PIK3R1: variants seen among roughly 807,000 people sequenced by gnomAD.
PIK3R1 encodes the protein phosphoinositide-3-kinase regulatory subunit 1.
A neutral mutation model predicts 98.0 loss-of-function variants in PIK3R1; 29 were observed. The observed-to-expected ratio is 0.30, with a 90% CI of 0.22 to 0.40. The LOEUF is 0.40. Ranked by LOEUF, PIK3R1 falls within the 10% of genes least tolerant of loss-of-function variation. PIK3R1 has a pLI of 1.00. For missense variants in PIK3R1, 596 were observed against 872.7 expected (o/e 0.68, Z 3.99); for synonymous variants, 282 against 311.8 (o/e 0.90, Z 1.01).
intron 1 of PIK3R1, 115 bp from the exon 2 acceptor site, chr5:68,226,175 C>G (rs376996460): frequency 5.7e-6 from 2 of 352,238 alleles, no homozygotes; most frequent in African/African-American, 4.2e-5. Context: ...AGCACACTGG[C>G]CTGTGTCTGT....
chr5:68,267,481 A>T (rs958166044), intron 2 of PIK3R1, among the ~76,000 whole-genome samples: 8 of 152,192 alleles, frequency 5.3e-5, no homozygotes, highest in Middle Eastern at 3.2e-3. Flanking sequence ...ACTAATTAGG[A>T]TATCTGAGGA....
In PIK3R1 at chr5:68,299,003, TCA is replaced by T. The variant is rs1283074609; in HGVS notation, c.*1404_*1405del. On this transcript the variant is annotated 3_prime_UTR_variant, in exon 16 of 16. Coordinates refer to ENST00000521381, the MANE Select transcript of PIK3R1 (RefSeq NM_181523.3). ...TTGCTTCTTCTACTTCAGTCTTCTC[TCA>T]CTTTGATTTGCTAGTTGTTATCAAT... The T allele has an allele frequency of 4.3e-6, 1 of 233,598 alleles. No individual in the cohort carries two copies. The highest frequency in any genetic ancestry group is 6.0e-5 in the East Asian group (1 of 16,568). 14.5% of individuals were successfully genotyped at this position (233,598 alleles called of 1,614,324 possible). A position where few individuals can be genotyped will look rare whatever the true frequency, so the allele number is the denominator to read the frequency against.
rs2112302785 is a variant in PIK3R1, at chr5:68,298,906, G to A, written c.*1305G>A. On this transcript the variant is annotated 3_prime_UTR_variant, in exon 16 of 16. Transcript: ENST00000521381. Reference sequence around the variant, plus strand: ...AGTGAAGGGATGTATCAAGTGGGGTGGTGGGAGGGGGAGGCAAGGTTATAT... The same window carrying A: ...AGTGAAGGGATGTATCAAGTGGGGTAGTGGGAGGGGGAGGCAAGGTTATAT... 4.3e-6 allele frequency: 1 copy of A among 233,362 alleles called. No homozygotes were observed. Among genetic ancestry groups the A allele is most frequent in the East Asian group, 6.1e-5 (1 of 16,526 alleles). 14.5% of individuals were successfully genotyped at this position (233,362 alleles called of 1,614,324 possible).
intron 5 of PIK3R1, chr5:68,280,296 G>A: frequency 1.8e-6 from 1 of 556,684 alleles, no homozygotes; most frequent in South Asian, 2.4e-5. Context: ...TGAACAGCTT[G>A]TGGTTTCTTT....
intron 2 of PIK3R1, among the ~76,000 whole-genome samples, chr5:68,268,239 G>A (rs1481500097): frequency 6.6e-6 from 1 of 152,154 alleles, no homozygotes; most frequent in African/African-American, 2.4e-5. Flanking sequence ...TGGCTTTAAA[G>A]CTCTGCTTCT....
chr5:68,237,419 C>T (rs1362003678), intron 2 of PIK3R1, among the ~76,000 whole-genome samples: 2 of 151,916 alleles, frequency 1.3e-5, no homozygotes, highest in African/African-American at 4.8e-5. Context: ...ACCTGAATTC[C>T]AAGGGCAGAG....
chr5:68,295,516 C>T (rs757424123), intron 14 of PIK3R1, 28 bp downstream of exon 14: 47 of 1,588,776 alleles, frequency 3.0e-5, no homozygotes, highest in Non-Finnish European at 4.0e-5. Context: ...ATGGTGATAG[C>T]AGAAGATTTT....
At chr5:68,271,188 C>T (rs1035805063) in intron 2 of PIK3R1, among the ~76,000 whole-genome samples, 2 of 152,168 alleles carry the variant, frequency 1.3e-5, no homozygotes, top group African/African-American at 2.4e-5. Flanking sequence ...TCTAGCACGT[C>T]CTCCAGGTGG....
intron 2 of PIK3R1, among the ~76,000 whole-genome samples, chr5:68,262,652 T>G (rs201225731): frequency 0.011 from 415 of 37,530 alleles, no homozygotes; most frequent in African/African-American, 0.019. Flanking sequence ...TACACATGTA[T>G]CTGCATGTAT....
At chr5:68,244,778 C>A (rs1378806439) in intron 2 of PIK3R1, among the ~76,000 whole-genome samples, 1 of 152,026 alleles carries the variant, frequency 6.6e-6, no homozygotes, top group Non-Finnish European at 1.5e-5. Context: ...CTTCTCAGAT[C>A]TAATGTGACT....
chr5:68,226,471 G>C lies in PIK3R1; in HGVS notation c.-205G>C, dbSNP rs1032317812. The C allele has an allele frequency of 5.7e-6, 3 of 525,022 alleles. No homozygotes were observed. The highest frequency in any genetic ancestry group is 5.7e-5 in the East Asian group (2 of 35,046). The allele number at this position is 525,022 out of a possible 1,614,324, so 32.5% of individuals were successfully genotyped here. A position where few individuals can be genotyped will look rare whatever the true frequency, so the allele number is the denominator to read the frequency against. The stretch of plus-strand genomic sequence containing the variant: ...GCAGAGGAAGTGGAGCCCTGTCTTC[G>C]GTCACACCATTGATGGAGGACAGAT... On this transcript the variant is annotated 5_prime_UTR_variant, in exon 2 of 16. Transcript: ENST00000521381.
intron 2 of PIK3R1, among the ~76,000 whole-genome samples, chr5:68,250,599 T>G (rs1255717985): frequency 6.6e-6 from 1 of 152,208 alleles, no homozygotes; most frequent in African/African-American, 2.4e-5. Context: ...CAAAATCACT[T>G]GAGTGAAATA....
chr5:68,283,229 G>A (rs946613355), intron 7 of PIK3R1, among the ~76,000 whole-genome samples: 2 of 152,226 alleles, frequency 1.3e-5, no homozygotes, highest in African/African-American at 4.8e-5. Context: ...CCTGAATGAT[G>A]TTTAAGGGAG....
intron 2 of PIK3R1, among the ~76,000 whole-genome samples, chr5:68,240,747 G>A (rs1473929911): frequency 6.6e-6 from 1 of 152,110 alleles, no homozygotes; most frequent in Non-Finnish European, 1.5e-5. Flanking sequence ...TGTTCTTTAA[G>A]AATGAAAATA....
chr5:68,241,158 T>C (rs900338743), intron 2 of PIK3R1, among the ~76,000 whole-genome samples: 2 of 152,176 alleles, frequency 1.3e-5, no homozygotes, highest in Non-Finnish European at 2.9e-5. Flanking sequence ...ATAGTTATAG[T>C]AACTATTAAT....
chr5:68,272,410 G>A (rs1746400794), intron 2 of PIK3R1, among the ~76,000 whole-genome samples: 3 of 152,036 alleles, frequency 2.0e-5, no homozygotes, highest in Non-Finnish European at 2.9e-5. Context: ...CAAGCAATGA[G>A]GCTAATAAAC....
At chr5:68,267,185 AT>A (rs1240592274) in intron 2 of PIK3R1, among the ~76,000 whole-genome samples, 1 of 152,224 alleles carries the variant, frequency 6.6e-6, no homozygotes, top group Non-Finnish European at 1.5e-5. Flanking sequence ...TCAAACTCCA[AT>A]TTAGGTGATA....
chr5:68,258,644 T>C (rs1237057847), intron 2 of PIK3R1, among the ~76,000 whole-genome samples: 1 of 152,236 alleles, frequency 6.6e-6, no homozygotes, highest in East Asian at 1.9e-4. Flanking sequence ...TTCTGTCTTC[T>C]GCAGTCAGCA....
Position 68,293,680 on chromosome 5 carries a change from ATCC to A in PIK3R1, c.1300-28_1300-26del, listed in dbSNP as rs1747521246. The A allele has an allele frequency of 8.9e-6, 12 of 1,344,652 alleles. No homozygotes were observed. In the East Asian group the frequency reaches 2.8e-4, roughly 31 times the overall value. The allele number at this position is 1,344,652 out of a possible 1,614,324, so 83.3% of individuals were successfully genotyped here. On this transcript the variant is annotated intron_variant, in intron 10 of 15. Coordinates refer to ENST00000521381, the MANE Select transcript of PIK3R1 (RefSeq NM_181523.3). ...CAATTGTTATTTGATTAAATACCTTATCCATTGAATTTATTTTAATCTTTCTAG... is the reference window on the plus strand; with the variant it reads ...CAATTGTTATTTGATTAAATACCTTAATTGAATTTATTTTAATCTTTCTAG...
Sources: allele counts gnomAD v4.1 joint callset (sites outside exome capture counted in the v4.1 genomes callset), GRCh38; gene constraint gnomAD v4.1.1; transcripts MANE v1.5; gene names NCBI Gene and HGNC (gene_info 2026-07-23, HGNC 2026-07-21).